The following HS3ST4 variants were observed in gnomAD, a reference collection of about 807,000 sequenced individuals.
HS3ST4 encodes the protein heparan sulfate-glucosamine 3-sulfotransferase 4, also known as heparan sulfate glucosamine 3-O-sulfotransferase 4.
Under a neutral mutation model 29.2 loss-of-function variants are expected in HS3ST4, and 17 were observed. The ratio of observed to expected loss-of-function variants is 0.58; its 90% CI spans 0.40 to 0.87. The LOEUF (loss-of-function observed/expected upper bound fraction) is 0.87, where lower values mean the gene tolerates loss of function less well. HS3ST4 is among the 40% of genes least tolerant of loss of function. HS3ST4 has a pLI of 0.00. For missense variants in HS3ST4, 627 were observed against 634.5 expected (o/e 0.99, Z 0.13); for synonymous variants, 314 against 285.7 (o/e 1.10, Z -1.00).
intron 1 of HS3ST4, among the ~76,000 whole-genome samples, chr16:25,840,545 A>G (rs574997688): frequency 1.3e-5 from 2 of 152,332 alleles, no homozygotes; most frequent in Admixed American, 1.3e-4. Context: ...TAGTTCTTAG[A>G]TACTATCATA....
chr16:25,750,844 C>T (rs530581337), intron 1 of HS3ST4, among the ~76,000 whole-genome samples: 1 of 152,254 alleles, frequency 6.6e-6, no homozygotes, highest in African/African-American at 2.4e-5. Context: ...TCTTTCTTTC[C>T]AGTGGATTCA....
At chr16:25,838,415 A>G (rs919627096) in intron 1 of HS3ST4, among the ~76,000 whole-genome samples, 6 of 152,230 alleles carry the variant, frequency 3.9e-5, no homozygotes, top group African/African-American at 1.4e-4. Context: ...TGGTTCTAAC[A>G]AAAGGCAAAG....
At chr16:25,962,004 T>C (rs1968800050) in intron 1 of HS3ST4, among the ~76,000 whole-genome samples, 2 of 152,216 alleles carry the variant, frequency 1.3e-5, no homozygotes, top group African/African-American at 4.8e-5. Context: ...CTTTAAGCTT[T>C]GAGATAATTT....
At chr16:25,917,718 C>T (rs1161681994) in intron 1 of HS3ST4, among the ~76,000 whole-genome samples, 1 of 152,172 alleles carries the variant, frequency 6.6e-6, no homozygotes. Context: ...CATTGCACAC[C>T]TTAGCTTTTA....
intron 1 of HS3ST4, among the ~76,000 whole-genome samples, chr16:26,026,560 C>A (rs1406433303): frequency 2.6e-5 from 4 of 152,112 alleles, no homozygotes; most frequent in Admixed American, 6.5e-5. Flanking sequence ...TTAGGCATCA[C>A]CTCCAGAATC....
chr16:25,793,946 G>A (rs1442258660), intron 1 of HS3ST4, among the ~76,000 whole-genome samples: 1 of 151,462 alleles, frequency 6.6e-6, no homozygotes, highest in Middle Eastern at 3.2e-3. Flanking sequence ...CATTTTCTAG[G>A]ATTTGTTTCA....
intron 1 of HS3ST4, among the ~76,000 whole-genome samples, chr16:25,994,528 A>T (rs577297799): frequency 2.0e-5 from 3 of 152,110 alleles, no homozygotes; most frequent in African/African-American, 7.2e-5. Flanking sequence ...AATTTTTGAT[A>T]TTGGTAAATG....
chr16:25,741,365 T>TGA (rs71385569), intron 1 of HS3ST4, among the ~76,000 whole-genome samples: 1 of 66,186 alleles, frequency 1.5e-5, no homozygotes, highest in South Asian at 1.1e-3. Context: ...GAATTCAAGG[T>TGA]AAAAAAAAAA....
At chr16:26,086,388 C>T (rs1033746836) in intron 1 of HS3ST4, among the ~76,000 whole-genome samples, 1 of 149,660 alleles carries the variant, frequency 6.7e-6, no homozygotes, top group African/African-American at 2.5e-5. Context: ...CTTGCTCTGT[C>T]GCCCAGGCTG....
chr16:26,115,507 A>G (rs1899191402), intron 1 of HS3ST4, among the ~76,000 whole-genome samples: 1 of 152,206 alleles, frequency 6.6e-6, no homozygotes, highest in African/African-American at 2.4e-5. Context: ...AGGGCGGGAA[A>G]CACCTGTTCA....
Position 25,829,200 on chromosome 16 carries a change from C to T in HS3ST4, c.734+136049C>T, listed in dbSNP as rs1232691160. ...ATAACACTTGATTGGGAGAAGCCTC[C>T]CTTCATGGAGACTTGCCTAGAATAA... On this transcript the variant is annotated intron_variant, in intron 1 of 1. Coordinates refer to ENST00000331351, the MANE Select transcript of HS3ST4 (RefSeq NM_006040.3). Among the ~76,000 whole-genome samples the T allele has an allele frequency of 2.0e-5, 3 of 152,264 alleles. No homozygotes were observed. The South Asian group carries it at 6.2e-4, about 32-fold the overall frequency.
chr16:25,903,302 G>GTATATATGTATATGTATATATTATATACA (rs1555471412), intron 1 of HS3ST4, among the ~76,000 whole-genome samples: 4 of 103,500 alleles, frequency 3.9e-5, no homozygotes, highest in Non-Finnish European at 4.0e-5. Flanking sequence ...GTGTGTGTGT[G>GTATATATGTATATGTATATATTATATACA]TATGTATATG....
intron 1 of HS3ST4, among the ~76,000 whole-genome samples, chr16:26,001,686 T>A (rs1290917939): frequency 6.6e-6 from 1 of 152,118 alleles, no homozygotes; most frequent in Non-Finnish European, 1.5e-5. Flanking sequence ...CTTTCATTGG[T>A]TGTTTGAGGG....
chr16:26,061,953 G>A (rs1042200680), intron 1 of HS3ST4, among the ~76,000 whole-genome samples: 1 of 152,144 alleles, frequency 6.6e-6, no homozygotes, highest in Non-Finnish European at 1.5e-5. Flanking sequence ...ATTCACCCTA[G>A]TTGGACTGAT....
At chr16:26,110,029 G>A (rs1164427828) in intron 1 of HS3ST4, among the ~76,000 whole-genome samples, 4 of 152,138 alleles carry the variant, frequency 2.6e-5, no homozygotes, top group African/African-American at 9.6e-5. Flanking sequence ...CCCATTGACC[G>A]ATATTTTCCT....
chr16:26,041,136 G>A (rs1202687299), intron 1 of HS3ST4, among the ~76,000 whole-genome samples: 1 of 151,960 alleles, frequency 6.6e-6, no homozygotes, highest in Non-Finnish European at 1.5e-5. Context: ...CCAGGAGTTT[G>A]AGACCAGTCT....
intron 1 of HS3ST4, among the ~76,000 whole-genome samples, chr16:26,083,546 A>G (rs1160447750): frequency 6.6e-6 from 1 of 152,198 alleles, no homozygotes; most frequent in Non-Finnish European, 1.5e-5. Context: ...GGTCTTTGTC[A>G]CAGCTACTCA....
In HS3ST4 at chr16:25,992,256, G is replaced by A. The variant is rs188798178; in HGVS notation, c.735-143356G>A. ...ATGTTAGGACAAGGGAGGAATGGAA[G>A]TTATTCGGAAACTTGGAAAAGATGA... On this transcript the variant is annotated intron_variant, in intron 1 of 1. Coordinates refer to ENST00000331351, the MANE Select transcript of HS3ST4 (RefSeq NM_006040.3). 2.9e-3 allele frequency among the ~76,000 whole-genome samples: 447 copies of A among 152,304 alleles called. 1 individual carries two copies. Among genetic ancestry groups the A allele is most frequent in the Non-Finnish European group, 4.9e-3 (332 of 68,028 alleles).
chr16:26,072,728 G>T (rs1477964465), intron 1 of HS3ST4, among the ~76,000 whole-genome samples: 1 of 152,062 alleles, frequency 6.6e-6, no homozygotes, highest in Non-Finnish European at 1.5e-5. Flanking sequence ...TTTATGATAA[G>T]ATCCTAGAAT....
Sources: gnomAD v4.1 joint callset for allele counts (sites outside exome capture counted in the v4.1 genomes callset) on GRCh38, gnomAD v4.1.1 for gene constraint, MANE v1.5 for transcripts, NCBI Gene and HGNC (gene_info 2026-07-23, HGNC 2026-07-21) for gene names.